The following SOAT1 variants were observed in gnomAD, a reference collection of about 807,000 sequenced individuals.
SOAT1 encodes sterol O-acyltransferase 1.
In SOAT1, 55 loss-of-function variants were observed where a neutral mutation model predicts 69.5. The observed-to-expected ratio is 0.79, with a 90% CI of 0.64 to 0.99. The LOEUF (loss-of-function observed/expected upper bound fraction) is 0.99, where lower values mean the gene tolerates loss of function less well. SOAT1 is among the 50% of genes least tolerant of loss of function. The pLI, the probability that SOAT1 is intolerant of heterozygous loss-of-function variation, is 0.00. For missense variants in SOAT1, 580 were observed against 669.3 expected, an observed-to-expected ratio of 0.87 and a Z score of 1.47; for synonymous variants, 231 against 224.7, an observed-to-expected ratio of 1.03 and a Z score of -0.25.
At chr1:179,312,408 G>A (rs765783753) in intron 2 of SOAT1, among the ~76,000 whole-genome samples, 4 of 152,146 alleles carry the variant, frequency 2.6e-5, no homozygotes, top group African/African-American at 4.8e-5. Context: ...CCAAAATGAT[G>A]ACTTCTATCA....
chr1:179,347,818 T>G, intron 12 of SOAT1, 121 bp downstream of exon 12: 2 of 614,168 alleles, frequency 3.3e-6, no homozygotes, highest in Non-Finnish European at 5.6e-6. Flanking sequence ...ATAATTTTCT[T>G]TTCTACAAGT....
intron 3 of SOAT1, among the ~76,000 whole-genome samples, chr1:179,330,422 G>GT (rs1242476560): frequency 2.6e-5 from 4 of 152,170 alleles, no homozygotes; most frequent in Admixed American, 2.6e-4. Context: ...CACAAATCTT[G>GT]TGACTTTGGG....
chr1:179,342,686 T>C (rs1571450049), intron 8 of SOAT1, among the ~76,000 whole-genome samples, 176 bp from the exon 9 acceptor site: 1 of 152,210 alleles, frequency 6.6e-6, no homozygotes, highest in South Asian at 2.1e-4. Context: ...TTTAAAGAGA[T>C]TGGTAATATT....
chr1:179,347,640 C>A lies in SOAT1; in HGVS notation c.1158C>A (p.His386Gln). 6.2e-7 allele frequency: 1 copy of A among 1,613,464 alleles called. No individual in the cohort carries two copies. Residue 386 changes from histidine to glutamine, a missense_variant, in exon 12 of 16, where the codon CAC (histidine) becomes CAA (glutamine). His to Gln is a conservative substitution (Grantham distance 24). Transcript: ENST00000367619. ...TCCTTACTTTTTTTGCCTTTTTGCA[C>A]TGCTGGCTCAATGCCTTTGCTGAGA... ...ILFLTFFAFL[H>Q]CWLNAFAEML... is the part of the protein sequence containing the mutation.
At chr1:179,347,073 G>A (rs1456649677) in intron 11 of SOAT1, among the ~76,000 whole-genome samples, 1 of 151,818 alleles carries the variant, frequency 6.6e-6, no homozygotes, top group African/African-American at 2.4e-5. Context: ...AAACAGACTG[G>A]GTAGGCTGGG....
At chr1:179,340,850 C>T (rs984813016) in intron 6 of SOAT1, among the ~76,000 whole-genome samples, 178 bp from the exon 7 acceptor site, 2 of 149,894 alleles carry the variant, frequency 1.3e-5, no homozygotes, top group Non-Finnish European at 3.0e-5. Context: ...TATTGTAAAG[C>T]AGATGGTTAG....
chr1:179,306,922 A>G (rs1356080484), intron 2 of SOAT1, among the ~76,000 whole-genome samples: 1 of 152,072 alleles, frequency 6.6e-6, no homozygotes, highest in East Asian at 1.9e-4. Context: ...AGGAAATAAT[A>G]AAGACATTTC....
intron 2 of SOAT1, among the ~76,000 whole-genome samples, chr1:179,306,379 A>G (rs894051067): frequency 1.2e-4 from 19 of 152,182 alleles, no homozygotes; most frequent in Non-Finnish European, 5.9e-5. Flanking sequence ...GCATAGAAGC[A>G]CATAATGCCA....
intron 2 of SOAT1, among the ~76,000 whole-genome samples, chr1:179,312,182 C>A (rs764887011): frequency 6.6e-6 from 1 of 152,156 alleles, no homozygotes; most frequent in Non-Finnish European, 1.5e-5. Flanking sequence ...TCATTGCTGG[C>A]CTGCCTAAGG....
intron 15 of SOAT1, 22 bp downstream of exon 15, chr1:179,351,484 A>C: frequency 6.2e-7 from 1 of 1,609,866 alleles, no homozygotes; most frequent in Non-Finnish European, 8.5e-7. Flanking sequence ...ACCTGGTTGG[A>C]GTGCAAAAGA....
intron 2 of SOAT1, among the ~76,000 whole-genome samples, chr1:179,320,372 C>A (rs10913720): frequency 0.21 from 31,649 of 151,776 alleles, 3,641 homozygotes; most frequent in East Asian, 0.46. Context: ...TCTGGACTCT[C>A]AGTTCTTTTA....
intron 6 of SOAT1, among the ~76,000 whole-genome samples, chr1:179,339,938 A>G (rs1666276889): frequency 6.6e-6 from 1 of 152,206 alleles, no homozygotes; most frequent in South Asian, 2.1e-4. Flanking sequence ...ATTGGGATCT[A>G]GAGTATTCCA....
At chr1:179,313,023 A>G (rs1322549005) in intron 2 of SOAT1, among the ~76,000 whole-genome samples, 1 of 152,170 alleles carries the variant, frequency 6.6e-6, no homozygotes, top group African/African-American at 2.4e-5. Flanking sequence ...AAAGGCAGTG[A>G]CATGCATGTC....
chr1:179,295,206 A>G (rs775223162), intron 1 of SOAT1, among the ~76,000 whole-genome samples: 1 of 152,164 alleles, frequency 6.6e-6, no homozygotes, highest in Non-Finnish European at 1.5e-5. Context: ...GGTTCATGCC[A>G]CACTGGCTTT....
At chr1:179,348,345 A>C (rs1666603240) in intron 12 of SOAT1, among the ~76,000 whole-genome samples, 1 of 152,146 alleles carries the variant, frequency 6.6e-6, no homozygotes, top group Admixed American at 6.6e-5. Context: ...TGATCTTAAT[A>C]TTGGGAGCAA....
intron 14 of SOAT1, 37 bp from the exon 15 acceptor site, chr1:179,351,280 A>G (rs1250235490): frequency 2.5e-6 from 4 of 1,602,586 alleles, no homozygotes; most frequent in Admixed American, 3.4e-5. Flanking sequence ...CTGACCTCTG[A>G]TAACTGTATA....
intron 2 of SOAT1, among the ~76,000 whole-genome samples, chr1:179,322,447 A>G (rs925821033): frequency 6.6e-6 from 1 of 151,694 alleles, no homozygotes; most frequent in South Asian, 2.1e-4. Flanking sequence ...CAGTGGCGCA[A>G]TCTCGGCTCA....
At chr1:179,317,979 G>A (rs1665453876) in intron 2 of SOAT1, among the ~76,000 whole-genome samples, 2 of 151,994 alleles carry the variant, frequency 1.3e-5, no homozygotes, top group Non-Finnish European at 2.9e-5. Context: ...TTGAGGCCAG[G>A]AGTTAAGTCA....
At chr1:179,336,375 G>A (rs1340727666) in intron 4 of SOAT1, among the ~76,000 whole-genome samples, 1 of 149,406 alleles carries the variant, frequency 6.7e-6, no homozygotes, top group African/African-American at 2.5e-5. Flanking sequence ...TCAGGAGACT[G>A]AGGCATGAGA....
Sources: allele counts gnomAD v4.1 joint callset (sites outside exome capture counted in the v4.1 genomes callset), GRCh38; gene constraint gnomAD v4.1.1; transcripts MANE v1.5; gene names NCBI Gene and HGNC (gene_info 2026-07-23, HGNC 2026-07-21).